Variants in SULT4A1 observed in about 807,000 individuals in gnomAD.
The protein encoded by SULT4A1 is sulfotransferase family 4A member 1.
In SULT4A1, 11 loss-of-function variants were observed where a neutral mutation model predicts 35.2. The observed-to-expected ratio is 0.31, with a 90% CI of 0.20 to 0.52. SULT4A1 has a LOEUF of 0.52. Ranked by LOEUF, SULT4A1 falls within the 20% of genes least tolerant of loss-of-function variation. SULT4A1 has a pLI of 0.97. For missense variants in SULT4A1, 271 were observed against 383.7 expected (o/e 0.71, Z 2.45); for synonymous variants, 152 against 151.8 (o/e 1.00, Z -0.01).
chr22:43,825,967 G>A lies in SULT4A1; in HGVS notation c.*34C>T, dbSNP rs371878552. ...GGACTTTTGGCTAGTAGACTGTCTG[G>A]GTATTGTGAGCATGCAGGTTGTTGT... On this transcript the variant is annotated 3_prime_UTR_variant, in exon 7 of 7. Coordinates refer to ENST00000330884, the MANE Select transcript of SULT4A1 (RefSeq NM_014351.4). 1 of 1,595,612 alleles carries A rather than the reference G, an allele frequency of 6.3e-7. No homozygotes were observed. The highest frequency in any genetic ancestry group is 8.6e-7 in the Non-Finnish European group (1 of 1,164,548).
intron 5 of SULT4A1, among the ~76,000 whole-genome samples, chr22:43,833,176 G>A (rs892661530): frequency 5.9e-5 from 9 of 152,008 alleles, no homozygotes; most frequent in Admixed American, 1.3e-4. Flanking sequence ...CCTGGACTAA[G>A]ACCTTGTCCC....
chr22:43,836,075 C>T (rs2063369301), intron 4 of SULT4A1, among the ~76,000 whole-genome samples: 1 of 152,272 alleles, frequency 6.6e-6, no homozygotes, highest in South Asian at 2.1e-4. Context: ...TCACTGTCCA[C>T]CCCAGAGAAG....
chr22:43,828,904 C>T (rs1350730275), intron 6 of SULT4A1, 156 bp downstream of exon 6: 34 of 794,146 alleles, frequency 4.3e-5, no homozygotes. Context: ...CCATGGGCAC[C>T]AGCTAACAGA....
chr22:43,826,137 C>A, intron 6 of SULT4A1, 24 bp from the exon 7 acceptor site: 2 of 1,612,442 alleles, frequency 1.2e-6, no homozygotes, highest in East Asian at 4.5e-5. Flanking sequence ...AAGAGAACTG[C>A]TGGGGCCACT....
intron 1 of SULT4A1, among the ~76,000 whole-genome samples, chr22:43,846,481 C>T (rs916765408): frequency 3.3e-5 from 5 of 152,228 alleles, no homozygotes; most frequent in Non-Finnish European, 5.9e-5. Flanking sequence ...CCGACAAACG[C>T]TGGTTGCTGC....
At position 43,838,885 on chromosome 22, in the gene SULT4A1, T is replaced by G; in HGVS notation, c.490A>C (p.Arg164=). 1.2e-6 allele frequency: 2 copies of G among 1,614,082 alleles called. No individual in the cohort carries two copies. Among genetic ancestry groups the G allele is most frequent in the Non-Finnish European group, 8.5e-7 (1 of 1,179,978 alleles). ...CACTCACGCTTATCATTCATAAACC[T>G]CCGGCAGAATTCTTGAAAGGTGCCT... ...YRGTFQEFCR[R]FMNDKLGYGS... Residue 164 remains arginine, a synonymous_variant, in exon 4 of 7, where the codon AGG becomes CGG. Transcript: ENST00000330884.
intron 1 of SULT4A1, among the ~76,000 whole-genome samples, chr22:43,846,319 A>G (rs1314458113): frequency 6.6e-6 from 1 of 152,162 alleles, no homozygotes; most frequent in Admixed American, 6.5e-5. Flanking sequence ...TGCGATTCCA[A>G]TGTGCTATCT....
intron 6 of SULT4A1, chr22:43,828,798 T>C (rs2063305810): frequency 2.3e-6 from 1 of 429,044 alleles, no homozygotes; most frequent in East Asian, 3.8e-5. Context: ...CCACAAAGCC[T>C]GAAATGCACT....
In SULT4A1 at chr22:43,862,351, G is replaced by T; in HGVS notation, c.32C>A (p.Thr11Asn). ...GTACTTGCTCTCGAACTCCCCCGGG[G>T]TGCTGGGGGTCTCGGCCTCGCTCTC... MAESEAETPS[T>N]PGEFESKYFE... The change falls in exon 1 of 7, where the codon ACC (threonine) becomes AAC (asparagine). Residue 11 changes from threonine to asparagine, a missense_variant. Thr to Asn is a moderately conservative substitution (Grantham distance 65). Around this residue, in one of 3 missense-constraint regions of SULT4A1, gnomAD observed 164 missense variants for 254.1 expected, o/e 0.65. Transcript: ENST00000330884. 1 of 1,509,084 alleles carries T rather than the reference G, an allele frequency of 6.6e-7. No homozygotes were observed. The allele number at this position is 1,509,084 out of a possible 1,614,324, so 93.5% of individuals were successfully genotyped here.
Position 43,862,114 on chromosome 22 carries a change from AC to A in SULT4A1, c.169+99del, listed in dbSNP as rs1012344478. On this transcript the variant is annotated intron_variant, in intron 1 of 6. Transcript: ENST00000330884. ...GCAGGGGCGGAGGCCAAGGGCGACC[AC>A]CCGGCCCAGCAGAAGCCCCGGGCGC... The A allele has an allele frequency of 4.6e-6, 4 of 866,246 alleles. No homozygotes were observed. In the African/African-American group the frequency reaches 7.7e-5, roughly 17 times the overall value. 53.7% of individuals were successfully genotyped at this position (866,246 alleles called of 1,614,324 possible).
At chr22:43,852,606 GA>G (rs1411138381) in intron 1 of SULT4A1, among the ~76,000 whole-genome samples, 3 of 152,024 alleles carry the variant, frequency 2.0e-5, no homozygotes, top group Non-Finnish European at 4.4e-5. Flanking sequence ...CCTCCAAAAG[GA>G]AAAGGAAAAG....
chr22:43,858,625 T>C (rs760448374), intron 1 of SULT4A1, among the ~76,000 whole-genome samples: 2 of 152,174 alleles, frequency 1.3e-5, no homozygotes, highest in Non-Finnish European at 2.9e-5. Context: ...TTTGTTACCC[T>C]GTGTGGTAAA....
chr22:43,851,781 C>T (rs1347541940), intron 1 of SULT4A1, among the ~76,000 whole-genome samples: 1 of 152,154 alleles, frequency 6.6e-6, no homozygotes, highest in East Asian at 1.9e-4. Context: ...CCTCTCTGGT[C>T]CCCGAAGAAG....
At chr22:43,845,905 C>T (rs1351362428) in intron 1 of SULT4A1, among the ~76,000 whole-genome samples, 1 of 152,204 alleles carries the variant, frequency 6.6e-6, no homozygotes, top group East Asian at 1.9e-4. Flanking sequence ...ATCCCCATCA[C>T]CCACCACCTG....
At chr22:43,836,895 C>T (rs1569503391) in intron 4 of SULT4A1, among the ~76,000 whole-genome samples, 1 of 152,254 alleles carries the variant, frequency 6.6e-6, no homozygotes, top group Non-Finnish European at 1.5e-5. Context: ...GTCTACACAG[C>T]GTCCGCACAC....
At chr22:43,829,297 C>T (rs959581316) in intron 5 of SULT4A1, 99 bp from the exon 6 acceptor site, 57 of 1,317,830 alleles carry the variant, frequency 4.3e-5, no homozygotes, top group Admixed American at 1.3e-4. Context: ...TTTTTACACA[C>T]GGCCTTCCTT....
At chr22:43,832,967 G>A (rs1475919010) in intron 5 of SULT4A1, among the ~76,000 whole-genome samples, 2 of 152,060 alleles carry the variant, frequency 1.3e-5, no homozygotes, top group African/African-American at 4.8e-5. Context: ...CCACAGGCTG[G>A]CCTTGTCTGT....
Position 43,829,248 on chromosome 22 carries a change from T to C in SULT4A1, c.604-50A>G, listed in dbSNP as rs377296130. The C allele has an allele frequency of 3.8e-5, 56 of 1,477,114 alleles. No homozygotes were observed. In the African/African-American group the frequency reaches 7.1e-4, roughly 19 times the overall value. 91.5% of individuals were successfully genotyped at this position (1,477,114 alleles called of 1,614,324 possible). A position where few individuals can be genotyped will look rare whatever the true frequency, so the allele number is the denominator to read the frequency against. ...AGCAGCCCATCAGAGGCGGGGCCTT[T>C]TACTGGACACGACCCCAGGCTGGGC... On this transcript the variant is annotated intron_variant, in intron 5 of 6. Coordinates refer to ENST00000330884, the MANE Select transcript of SULT4A1 (RefSeq NM_014351.4).
intron 4 of SULT4A1, among the ~76,000 whole-genome samples, chr22:43,838,130 A>G (rs1309018834): frequency 1.3e-5 from 2 of 152,208 alleles, no homozygotes; most frequent in Non-Finnish European, 2.9e-5. Flanking sequence ...TGCACTGAGG[A>G]GCTCTGCCAC....
Sources: allele counts gnomAD v4.1 joint callset (sites outside exome capture counted in the v4.1 genomes callset), GRCh38; gene constraint gnomAD v4.1.1; regional missense constraint gnomAD v4.1.1; transcripts MANE v1.5; gene names NCBI Gene and HGNC (gene_info 2026-07-23, HGNC 2026-07-21).